Variants in FHIT observed in about 807,000 individuals in gnomAD.
FHIT encodes the protein fragile histidine triad diadenosine triphosphatase, also known as bis(5'-adenosyl)-triphosphatase.
FHIT carries 19 observed loss-of-function variants against 17.9 expected under a neutral mutation model. That is an observed-to-expected ratio of 1.06 (90% confidence interval 0.74 to 1.56). FHIT has a LOEUF of 1.56. FHIT is among the 40% of genes most tolerant of loss of function. The pLI is 0.00. For synonymous variants in FHIT, 81 were observed against 69.7 expected (o/e 1.16, Z -0.81); for missense variants, 248 against 189.2 (o/e 1.31, Z -1.82).
At chr3:59,834,337 T>C (rs1701265888) in intron 8 of FHIT, among the ~76,000 whole-genome samples, 1 of 152,158 alleles carries the variant, frequency 6.6e-6, no homozygotes, top group South Asian at 2.1e-4. Context: ...GCAGAGTATA[T>C]TTGTTAAACA....
intron 4 of FHIT, among the ~76,000 whole-genome samples, chr3:60,736,947 G>A (rs1400188633): frequency 1.3e-5 from 2 of 152,090 alleles, no homozygotes; most frequent in Non-Finnish European, 1.5e-5. Context: ...AAATGCAAAG[G>A]CCTATTGTTT....
At chr3:60,210,551 G>GA (rs1559730558) in intron 5 of FHIT, among the ~76,000 whole-genome samples, 7 of 151,678 alleles carry the variant, frequency 4.6e-5, no homozygotes, top group Non-Finnish European at 7.4e-5. Context: ...GCAAAATCAG[G>GA]AAAAAAACAG....
At chr3:60,600,500 C>T (rs1471883643) in intron 4 of FHIT, among the ~76,000 whole-genome samples, 2 of 152,142 alleles carry the variant, frequency 1.3e-5, no homozygotes, top group Non-Finnish European at 1.5e-5. Context: ...AAAGCTAATA[C>T]CTTACCCAAC....
chr3:60,985,085 GC>G (rs1482016328), intron 3 of FHIT, among the ~76,000 whole-genome samples: 2 of 151,990 alleles, frequency 1.3e-5, no homozygotes, highest in African/African-American at 4.8e-5. Context: ...CACTGTATGT[GC>G]CCCCATCACT....
At chr3:60,240,016 A>G (rs1237183223) in intron 5 of FHIT, among the ~76,000 whole-genome samples, 1 of 152,200 alleles carries the variant, frequency 6.6e-6, no homozygotes, top group African/African-American at 2.4e-5. Flanking sequence ...GACTGCTATC[A>G]TAGGATTAAA....
chr3:60,690,337 A>G (rs1282929100), intron 4 of FHIT: 4 of 569,894 alleles, frequency 7.0e-6, no homozygotes, highest in African/African-American at 3.8e-5. Flanking sequence ...CCTGCCAAAG[A>G]CCACTTGCTT....
chr3:60,911,959 G>T (rs1243057298), intron 3 of FHIT, among the ~76,000 whole-genome samples: 1 of 152,020 alleles, frequency 6.6e-6, no homozygotes, highest in Non-Finnish European at 1.5e-5. Flanking sequence ...GTAAGATGCT[G>T]ACAATAATTA....
chr3:61,078,967 A>C lies in FHIT; in HGVS notation c.-163-36868T>G, dbSNP rs964664950. On this transcript the variant is annotated intron_variant, in intron 2 of 9. Coordinates refer to ENST00000492590, the MANE Select transcript of FHIT (RefSeq NM_002012.4). Reference sequence around the variant, plus strand: ...TTTTCTTCTATGTCCTTTTTCCAAAACATGAAAGTCAATATGGGTACCACA... The same window carrying C: ...TTTTCTTCTATGTCCTTTTTCCAAACCATGAAAGTCAATATGGGTACCACA... Among the ~76,000 whole-genome samples the C allele has an allele frequency of 3.3e-5, 5 of 152,258 alleles. No individual in the cohort carries two copies. The East Asian group carries it at 5.8e-4, about 18-fold the overall frequency.
chr3:59,944,458 C>T (rs536309933), intron 7 of FHIT, among the ~76,000 whole-genome samples: 5 of 152,152 alleles, frequency 3.3e-5, no homozygotes, highest in African/African-American at 9.6e-5. Flanking sequence ...TCCACACTTT[C>T]GTTTATTTTT....
intron 7 of FHIT, among the ~76,000 whole-genome samples, chr3:59,972,904 G>C: frequency 6.6e-6 from 1 of 152,026 alleles, no homozygotes; most frequent in East Asian, 1.9e-4. Flanking sequence ...TTGCTCTTCA[G>C]TCACAGGCTC....
At chr3:60,045,033 T>TA (rs1003495279) in intron 5 of FHIT, among the ~76,000 whole-genome samples, 1 of 151,942 alleles carries the variant, frequency 6.6e-6, no homozygotes, top group African/African-American at 2.4e-5. Flanking sequence ...TTGGCCATCA[T>TA]AAAAAACAGC....
intron 8 of FHIT, among the ~76,000 whole-genome samples, chr3:59,796,104 T>C (rs1247608690): frequency 6.6e-6 from 1 of 152,170 alleles, no homozygotes; most frequent in African/African-American, 2.4e-5. Flanking sequence ...GACATGATTC[T>C]CCCTAATTTG....
At chr3:60,578,201 G>T (rs1697399260) in intron 4 of FHIT, among the ~76,000 whole-genome samples, 1 of 152,076 alleles carries the variant, frequency 6.6e-6, no homozygotes, top group Non-Finnish European at 1.5e-5. Context: ...CACTTTGGGA[G>T]GCCGAGGTGG....
intron 1 of FHIT, among the ~76,000 whole-genome samples, chr3:61,218,775 G>T (rs145120561): frequency 2.0e-5 from 3 of 152,192 alleles, no homozygotes; most frequent in East Asian, 1.9e-4. Flanking sequence ...CTACTTTATC[G>T]TGTGTTTATG....
chr3:60,258,149 G>T (rs1232435423), intron 5 of FHIT, among the ~76,000 whole-genome samples: 1 of 151,654 alleles, frequency 6.6e-6, no homozygotes, highest in Non-Finnish European at 1.5e-5. Context: ...AGGGGCTTTT[G>T]TGAAAAATAA....
chr3:60,564,148 T>C (rs374386099), intron 4 of FHIT, among the ~76,000 whole-genome samples: 12 of 152,248 alleles, frequency 7.9e-5, no homozygotes, highest in African/African-American at 2.9e-4. Context: ...AGAATGATAC[T>C]ACATCAACTC....
At chr3:60,156,613 A>C (rs1317576408) in intron 5 of FHIT, among the ~76,000 whole-genome samples, 1 of 151,680 alleles carries the variant, frequency 6.6e-6, no homozygotes, top group East Asian at 2.0e-4. Flanking sequence ...TTAGCCGGCC[A>C]TAATGGTGAG....
intron 3 of FHIT, among the ~76,000 whole-genome samples, chr3:60,992,966 C>A (rs1035320724): frequency 6.6e-6 from 1 of 152,116 alleles, no homozygotes; most frequent in Non-Finnish European, 1.5e-5. Flanking sequence ...GATAGAGTGA[C>A]CCAACCCACA....
intron 7 of FHIT, among the ~76,000 whole-genome samples, chr3:59,993,120 A>G (rs1267283940): frequency 1.3e-5 from 2 of 152,090 alleles, no homozygotes; most frequent in Non-Finnish European, 2.9e-5. Flanking sequence ...TAGGTAAGAA[A>G]GTTTTCTTAC....
Sources: allele counts gnomAD v4.1 joint callset (sites outside exome capture counted in the v4.1 genomes callset), GRCh38; gene constraint gnomAD v4.1.1; transcripts MANE v1.5; gene names NCBI Gene and HGNC (gene_info 2026-07-23, HGNC 2026-07-21).